The following RB1CC1 variants were observed in gnomAD, a reference collection of about 807,000 sequenced individuals.
The protein encoded by RB1CC1 is RB1 inducible coiled-coil 1, also known as RB1-inducible coiled-coil protein 1.
RB1CC1 carries 46 observed loss-of-function variants against 177.5 expected under a neutral mutation model. The observed-to-expected ratio is 0.26, with a 90% confidence interval of 0.20 to 0.33. The LOEUF is 0.33. Among genes scored for constraint, RB1CC1 ranks in the 10% least tolerant of loss-of-function variants. The pLI is 1.00. For missense variants in RB1CC1, 1,703 were observed against 1,816.3 expected (o/e 0.94, Z 1.13); for synonymous variants, 666 against 613.6 (o/e 1.09, Z -1.26).
At position 52,658,001 on chromosome 8, in the gene RB1CC1, T is replaced by C. The variant is rs1851229396; in HGVS notation, c.1917A>G (p.Gln639=). The part of the protein sequence containing the change: ...SQTITDLLSE[Q]KASVSQTSPQ... ...TGTTTGAAAGAATTGAATTTGCCTTTTGTTCACTCAGTAGATCTGTAATGG... is the reference window on the plus strand; with the variant it reads ...TGTTTGAAAGAATTGAATTTGCCTTCTGTTCACTCAGTAGATCTGTAATGG... The change falls in exon 14 of 24, where the codon CAA becomes CAG. Residue 639 remains glutamine, a synonymous_variant. Coordinates refer to ENST00000025008, the MANE Select transcript of RB1CC1 (RefSeq NM_014781.5). 1.9e-6 allele frequency: 3 copies of C among 1,613,796 alleles called. No homozygotes were observed. Among genetic ancestry groups the C allele is most frequent in the Non-Finnish European group, 8.5e-7 (1 of 1,179,932 alleles).
intron 8 of RB1CC1, among the ~76,000 whole-genome samples, chr8:52,664,345 T>C (rs1205295398): frequency 6.6e-6 from 1 of 152,168 alleles, no homozygotes; most frequent in Non-Finnish European, 1.5e-5. Flanking sequence ...TGACTTCTTA[T>C]GAATACTTAG....
intron 1 of RB1CC1, among the ~76,000 whole-genome samples, chr8:52,713,537 G>T (rs947816747): frequency 7.2e-5 from 11 of 152,306 alleles, no homozygotes; most frequent in African/African-American, 2.4e-4. Context: ...GCACTCTGGG[G>T]TCGGGACAAA....
At chr8:52,675,431 G>A (rs1044542519) in intron 6 of RB1CC1, among the ~76,000 whole-genome samples, 1 of 151,936 alleles carries the variant, frequency 6.6e-6, no homozygotes, top group Non-Finnish European at 1.5e-5. Flanking sequence ...AAAAGCATAT[G>A]CACACACACA....
chr8:52,676,655 G>A (rs1853155459), intron 5 of RB1CC1, 84 bp from the exon 6 acceptor site: 4 of 1,174,776 alleles, frequency 3.4e-6, no homozygotes, highest in Non-Finnish European at 4.9e-6. Flanking sequence ...AAACATGTAC[G>A]TGTGGATGCG....
intron 5 of RB1CC1, among the ~76,000 whole-genome samples, chr8:52,682,703 C>CA (rs1416189163): frequency 2.0e-5 from 3 of 151,540 alleles, no homozygotes; most frequent in African/African-American, 7.3e-5. Context: ...TCAACCAAAT[C>CA]AAAAAAACAA....
At chr8:52,644,650 G>A (rs1849855107) in intron 16 of RB1CC1, among the ~76,000 whole-genome samples, 1 of 151,936 alleles carries the variant, frequency 6.6e-6, no homozygotes, top group Admixed American at 6.6e-5. Flanking sequence ...TTCTGGTTGT[G>A]CTTTTCTCAT....
chr8:52,683,860 T>G, intron 4 of RB1CC1, 27 bp downstream of exon 4: 1 of 1,605,786 alleles, frequency 6.2e-7, no homozygotes, highest in East Asian at 2.2e-5. Context: ...GTTGCATTCT[T>G]GTGTGAAAGG....
rs778127585 is a variant in RB1CC1 at position 52,683,677 on chromosome 8, A to G, written c.241T>C (p.Cys81Arg). 3.1e-6 allele frequency: 5 copies of G among 1,604,400 alleles called. 1 individual carries two copies. The South Asian group carries it at 5.7e-5, about 18-fold the overall frequency. Residue 81 changes from cysteine to arginine, a missense_variant, in exon 5 of 24, where the codon TGT becomes CGT. This residue lies in a region of RB1CC1 where 118 missense variants were observed against 121.2 expected (regional missense o/e 0.97). Transcript: ENST00000025008. ...IFLFNKEMIL[C>R]DRPPAIPKTT... is the part of the protein sequence containing the mutation. ...TTAGGAATAGCAGGTGGACGATCAC[A>G]TAAGATCATTTCTTTGTTAAAAAGA...
At chr8:52,661,763 T>G (rs752461186) in intron 8 of RB1CC1, 44 bp from the exon 9 acceptor site, 1 of 1,421,394 alleles carries the variant, frequency 7.0e-7, no homozygotes. Flanking sequence ...TTTTGTTTCA[T>G]GAAAGGTATG....
chr8:52,643,556 G>A (rs1399586056), intron 16 of RB1CC1, among the ~76,000 whole-genome samples: 1 of 151,856 alleles, frequency 6.6e-6, no homozygotes, highest in African/African-American at 2.4e-5. Flanking sequence ...GGGTGTGGTG[G>A]CACATGCCTG....
intron 1 of RB1CC1, among the ~76,000 whole-genome samples, chr8:52,708,935 T>C (rs546296076): frequency 2.7e-4 from 41 of 152,240 alleles, no homozygotes; most frequent in African/African-American, 9.6e-4. Flanking sequence ...TCTGAAGCTT[T>C]TAGTCCACTT....
chr8:52,671,097 A>T (rs889919947), intron 7 of RB1CC1, among the ~76,000 whole-genome samples: 1 of 152,244 alleles, frequency 6.6e-6, no homozygotes, highest in Admixed American at 6.5e-5. Context: ...AGCATCTCTT[A>T]ATCCACAAAA....
At chr8:52,693,766 TG>T (rs370877157) in intron 1 of RB1CC1, among the ~76,000 whole-genome samples, 35 of 151,998 alleles carry the variant, frequency 2.3e-4, no homozygotes, top group African/African-American at 8.0e-4. Context: ...CAACACTCAC[TG>T]GGGCCTGTCA....
intron 1 of RB1CC1, among the ~76,000 whole-genome samples, chr8:52,711,481 C>T (rs1857058032): frequency 6.6e-6 from 1 of 152,142 alleles, no homozygotes; most frequent in South Asian, 2.1e-4. Flanking sequence ...AAGTAATCTG[C>T]GTTTGTCATT....
intron 11 of RB1CC1, 74 bp downstream of exon 11, chr8:52,660,852 T>A: frequency 1.5e-6 from 2 of 1,306,382 alleles, no homozygotes; most frequent in Non-Finnish European, 2.1e-6. Flanking sequence ...ACATGAAGTA[T>A]GCTACAGAAA....
chr8:52,668,188 C>G lies in RB1CC1; in HGVS notation c.1006G>C (p.Asp336His). The G allele has an allele frequency of 6.2e-7, 1 of 1,612,934 alleles. No individual in the cohort carries two copies. The highest frequency in any genetic ancestry group is 8.5e-7 in the Non-Finnish European group (1 of 1,179,740). ...ATAAATGGTCGAATAATCCTTGGAT[C>G]AAGCTAAATGACAAGGAAACACATA... Reference protein sequence around the residue: ...RKCFDSMSRLDPRIIRPFIAE... With the variant: ...RKCFDSMSRLHPRIIRPFIAE... Residue 336 changes from aspartate to histidine, a missense_variant, in exon 8 of 24, where the codon GAT (aspartate) becomes CAT (histidine). Transcript: ENST00000025008.
intron 6 of RB1CC1, among the ~76,000 whole-genome samples, chr8:52,675,648 A>G (rs1168323087): frequency 2.7e-5 from 4 of 150,316 alleles, no homozygotes; most frequent in African/African-American, 9.8e-5. Flanking sequence ...AGGCGGGTGG[A>G]TCATGAGGTC....
At chr8:52,649,740 G>T (rs1420341047) in intron 15 of RB1CC1, among the ~76,000 whole-genome samples, 5 of 152,132 alleles carry the variant, frequency 3.3e-5, no homozygotes, top group African/African-American at 9.7e-5. Flanking sequence ...TGGGAGCAAG[G>T]CCATCAATCA....
At chr8:52,655,320 T>C (rs888238324) in intron 15 of RB1CC1, among the ~76,000 whole-genome samples, 10 of 152,270 alleles carry the variant, frequency 6.6e-5, no homozygotes, top group Admixed American at 2.6e-4. Flanking sequence ...ATAGAATGAA[T>C]TGACATATTA....
Sources: gnomAD v4.1 joint callset for allele counts (sites outside exome capture counted in the v4.1 genomes callset) on GRCh38, gnomAD v4.1.1 for gene constraint, gnomAD v4.1.1 regional missense constraint, MANE v1.5 for transcripts, NCBI Gene and HGNC (gene_info 2026-07-23, HGNC 2026-07-21) for gene names.